The following FHIT variants were observed in gnomAD, a reference collection of about 807,000 sequenced individuals.
FHIT encodes the protein bis(5'-adenosyl)-triphosphatase.
In FHIT, 19 loss-of-function variants were observed where a neutral mutation model predicts 17.9. The ratio of observed to expected loss-of-function variants is 1.06; its 90% CI spans 0.74 to 1.56. The LOEUF (loss-of-function observed/expected upper bound fraction) is 1.56, where lower values mean the gene tolerates loss of function less well. FHIT is among the 40% of genes most tolerant of loss of function. The pLI, the probability that FHIT is intolerant of heterozygous loss-of-function variation, is 0.00. For synonymous variants in FHIT, 81 were observed against 69.7 expected, an observed-to-expected ratio of 1.16 and a Z score of -0.81; for missense variants, 248 against 189.2, an observed-to-expected ratio of 1.31 and a Z score of -1.82.
At chr3:60,313,152 G>T (rs938282040) in intron 5 of FHIT, among the ~76,000 whole-genome samples, 1 of 152,212 alleles carries the variant, frequency 6.6e-6, no homozygotes, top group Non-Finnish European at 1.5e-5. Flanking sequence ...ACTCACAGAT[G>T]TATGTTATCC....
chr3:60,953,310 C>T (rs974928339), intron 3 of FHIT, among the ~76,000 whole-genome samples: 2 of 152,132 alleles, frequency 1.3e-5, no homozygotes, highest in Non-Finnish European at 2.9e-5. Flanking sequence ...AACGCAAGGA[C>T]GATTTCCTTT....
At chr3:60,575,713 C>T (rs1195469945) in intron 4 of FHIT, among the ~76,000 whole-genome samples, 2 of 152,126 alleles carry the variant, frequency 1.3e-5, no homozygotes, top group Non-Finnish European at 2.9e-5. Flanking sequence ...GAACATACTG[C>T]TCCTATAAGT....
At chr3:59,774,870 C>G (rs1702232943) in intron 8 of FHIT, among the ~76,000 whole-genome samples, 1 of 152,184 alleles carries the variant, frequency 6.6e-6, no homozygotes, top group Non-Finnish European at 1.5e-5. Flanking sequence ...ATCTGCTTGC[C>G]AAACTCAAAT....
At chr3:60,796,244 C>T (rs1700977334) in intron 4 of FHIT, among the ~76,000 whole-genome samples, 1 of 152,156 alleles carries the variant, frequency 6.6e-6, no homozygotes, top group Non-Finnish European at 1.5e-5. Context: ...AACCATATCA[C>T]AAGGAGACAG....
chr3:59,818,608 T>G (rs1700686347), intron 8 of FHIT, among the ~76,000 whole-genome samples: 1 of 152,178 alleles, frequency 6.6e-6, no homozygotes, highest in African/African-American at 2.4e-5. Context: ...CGGCAGCCCT[T>G]TACAAAAAGT....
At chr3:60,230,877 A>G (rs1704462307) in intron 5 of FHIT, among the ~76,000 whole-genome samples, 2 of 152,120 alleles carry the variant, frequency 1.3e-5, no homozygotes, top group South Asian at 4.1e-4. Context: ...CGTCTGGCTA[A>G]TTTTTGTATT....
chr3:60,533,491 G>A (rs2687150), intron 5 of FHIT, among the ~76,000 whole-genome samples: 109,793 of 152,128 alleles, frequency 0.72, 39,979 homozygotes, highest in African/African-American at 0.8. Flanking sequence ...AGACTGGGCT[G>A]TGTGTTTGGT....
chr3:60,235,481 C>A (rs907114458), intron 5 of FHIT, among the ~76,000 whole-genome samples: 7 of 152,254 alleles, frequency 4.6e-5, no homozygotes, highest in African/African-American at 1.4e-4. Context: ...CTGCTGGCCT[C>A]AGCCCCCAAA....
intron 5 of FHIT, among the ~76,000 whole-genome samples, chr3:60,265,765 G>A (rs1706542766): frequency 6.6e-6 from 1 of 151,640 alleles, no homozygotes; most frequent in Non-Finnish European, 1.5e-5. Context: ...AATGGGTAAA[G>A]GTTTTAAATA....
rs539191874 is a variant in FHIT, at chr3:61,076,700, C to T, written c.-163-34601G>A. 2.9e-3 allele frequency among the ~76,000 whole-genome samples: 439 copies of T among 152,150 alleles called. 1 individual carries two copies. Among genetic ancestry groups the T allele is most frequent in the Middle Eastern group, 6.8e-3 (2 of 294 alleles). On this transcript the variant is annotated intron_variant, in intron 2 of 9. Transcript: ENST00000492590. ...CACAATACCATGAGCTAGAAATATA[C>T]AGAATAGAAGAACAGTGGGATCAGA... is the stretch of plus-strand genomic sequence containing the variant.
At chr3:59,790,518 CTCTCTCTCTCTGTG>C (rs1449662878) in intron 8 of FHIT, among the ~76,000 whole-genome samples, 1 of 139,462 alleles carries the variant, frequency 7.2e-6, no homozygotes, top group African/African-American at 2.9e-5. Flanking sequence ...CTCTCTCTCT[CTCTCTCTCTCTGTG>C]TGTGTGTGTG....
intron 3 of FHIT, among the ~76,000 whole-genome samples, chr3:61,013,760 C>T (rs1357788976): frequency 1.3e-5 from 2 of 152,124 alleles, no homozygotes; most frequent in South Asian, 2.1e-4. Context: ...AGGATTAGAA[C>T]ATGAATTAAA....
chr3:60,067,726 G>T (rs1028333700), intron 5 of FHIT, among the ~76,000 whole-genome samples: 1 of 152,094 alleles, frequency 6.6e-6, no homozygotes, highest in African/African-American at 2.4e-5. Context: ...GGTATACTGG[G>T]AATTTCCACG....
intron 7 of FHIT, among the ~76,000 whole-genome samples, chr3:60,005,306 G>T (rs1055269928): frequency 4.5e-5 from 3 of 67,224 alleles, no homozygotes; most frequent in African/African-American, 1.8e-4. Flanking sequence ...AACTAGAAAC[G>T]GAAAAACTCA....
intron 5 of FHIT, among the ~76,000 whole-genome samples, chr3:60,017,071 GAC>G (rs1700370691): frequency 6.6e-6 from 1 of 152,146 alleles, no homozygotes; most frequent in East Asian, 1.9e-4. Context: ...TGTTATTAAT[GAC>G]AGTGCTGTGA....
intron 5 of FHIT, among the ~76,000 whole-genome samples, chr3:60,376,362 T>C (rs1422698478): frequency 6.6e-6 from 1 of 152,228 alleles, no homozygotes; most frequent in Non-Finnish European, 1.5e-5. Context: ...AGGTTCATGT[T>C]AGAAGACTGG....
At chr3:60,447,176 T>A (rs766293478) in intron 5 of FHIT, among the ~76,000 whole-genome samples, 6 of 152,094 alleles carry the variant, frequency 3.9e-5, no homozygotes, top group Non-Finnish European at 8.8e-5. Flanking sequence ...TCTGGGTCTC[T>A]TGGTTGTCTT....
chr3:60,494,190 C>T (rs1330970710), intron 5 of FHIT, among the ~76,000 whole-genome samples: 3 of 152,148 alleles, frequency 2.0e-5, no homozygotes, highest in East Asian at 3.8e-4. Flanking sequence ...AACTCTGTGG[C>T]CATTACAGCC....
intron 5 of FHIT, among the ~76,000 whole-genome samples, chr3:60,036,704 T>C (rs1433439197): frequency 1.3e-5 from 2 of 152,180 alleles, no homozygotes; most frequent in Non-Finnish European, 2.9e-5. Context: ...CATAGCTGTA[T>C]TCAGGGTGCA....
Sources: allele counts gnomAD v4.1 joint callset (sites outside exome capture counted in the v4.1 genomes callset), GRCh38; gene constraint gnomAD v4.1.1; transcripts MANE v1.5; gene names NCBI Gene and HGNC (gene_info 2026-07-23, HGNC 2026-07-21).